Variants in PFDN2 observed in about 807,000 individuals in gnomAD.
The protein encoded by PFDN2 is prefoldin subunit 2.
Under a neutral mutation model 18.3 loss-of-function variants are expected in PFDN2, and 7 were observed. The observed-to-expected ratio is 0.38, with a 90% CI of 0.22 to 0.72. The LOEUF (loss-of-function observed/expected upper bound fraction) is 0.72, where lower values mean the gene tolerates loss of function less well. Among genes scored for constraint, PFDN2 ranks in the 30% least tolerant of loss-of-function variants. PFDN2 has a pLI of 0.47. For missense variants in PFDN2, 181 were observed against 199.1 expected, an observed-to-expected ratio of 0.91 and a Z score of 0.55; for synonymous variants, 76 against 75.0, an observed-to-expected ratio of 1.01 and a Z score of -0.07.
In PFDN2 at chr1:161,107,147, C is replaced by T. The variant is rs1269553783; in HGVS notation, c.76-4772G>A. ...TTTTTAAAAACTGCTTAACTAGGGC[C>T]GGGCATGATGGCTCACGCCTGTAAT... On this transcript the variant is annotated intron_variant, in intron 1 of 3. Transcript: ENST00000368010. 2.6e-5 allele frequency among the ~76,000 whole-genome samples: 4 copies of T among 152,170 alleles called. No individual in the cohort carries two copies. In the East Asian group the frequency reaches 5.8e-4, roughly 22 times the overall value.
chr1:161,106,450 C>T (rs999106826), intron 1 of PFDN2, among the ~76,000 whole-genome samples: 9 of 152,076 alleles, frequency 5.9e-5, no homozygotes, highest in African/African-American at 1.7e-4. Flanking sequence ...ATCCTCTATT[C>T]CCACATTTTT....
At chr1:161,109,111 C>A (rs1654746829) in intron 1 of PFDN2, among the ~76,000 whole-genome samples, 1 of 152,206 alleles carries the variant, frequency 6.6e-6, no homozygotes, top group African/African-American at 2.4e-5. Context: ...TTACCTCTCC[C>A]AATCAGTTGT....
chr1:161,112,957 G>A (rs1435182757), intron 1 of PFDN2, among the ~76,000 whole-genome samples: 3 of 150,036 alleles, frequency 2.0e-5, no homozygotes, highest in Admixed American at 2.0e-4. Flanking sequence ...AAAAGACAAA[G>A]GAGGGGGGAA....
At chr1:161,113,230 C>A (rs1243729487) in intron 1 of PFDN2, among the ~76,000 whole-genome samples, 1 of 152,186 alleles carries the variant, frequency 6.6e-6, no homozygotes, top group Non-Finnish European at 1.5e-5. Flanking sequence ...CTACTCTCCT[C>A]TTATCATATT....
intron 1 of PFDN2, among the ~76,000 whole-genome samples, chr1:161,108,167 A>C (rs1654725236): frequency 6.8e-6 from 1 of 147,262 alleles, no homozygotes; most frequent in South Asian, 2.2e-4. Flanking sequence ...AAAAAAAAAA[A>C]CAAGGCTGGG....
In PFDN2 at chr1:161,102,107, C is replaced by G. The variant is rs1424486385; in HGVS notation, c.229G>C (p.Val77Leu). The change falls in exon 3 of 4, where the codon GTG becomes CTG. Residue 77 changes from valine (V) to leucine (L), a missense_variant. Val to Leu is a conservative substitution (Grantham distance 32). Transcript: ENST00000368010. ...TRKCYRMVGG[V>L]LVERTVKEVL... Reference sequence around the variant, plus strand: ...TCTTTGACAGTTCGCTCCACCAGCACTCCTCCAACCATGCGGTAGCACTTA... The same window carrying G: ...TCTTTGACAGTTCGCTCCACCAGCAGTCCTCCAACCATGCGGTAGCACTTA... 2.5e-6 allele frequency: 4 copies of G among 1,614,220 alleles called. No individual in the cohort carries two copies. Among genetic ancestry groups the G allele is most frequent in the Non-Finnish European group, 2.5e-6 (3 of 1,180,032 alleles).
chr1:161,109,971 T>C (rs1654771724), intron 1 of PFDN2, among the ~76,000 whole-genome samples: 1 of 151,894 alleles, frequency 6.6e-6, no homozygotes, highest in African/African-American at 2.4e-5. Context: ...GGAGAATCGC[T>C]TGAACCTGGG....
In PFDN2 at chr1:161,112,043, G is replaced by A. The variant is rs1203174396; in HGVS notation, c.75+5909C>T. ...GGAAGGAGCTTTTTTGTGCCTGACA[G>A]AAATGGCTTAACGTCAGACCATGAC... On this transcript the variant is annotated intron_variant, in intron 1 of 3. Transcript: ENST00000368010. Among the ~76,000 whole-genome samples the A allele has an allele frequency of 3.3e-5, 5 of 152,184 alleles. No individual in the cohort carries two copies. In the South Asian group the frequency reaches 6.2e-4, roughly 19 times the overall value.
intron 1 of PFDN2, among the ~76,000 whole-genome samples, chr1:161,115,428 G>C (rs556071583): frequency 6.6e-6 from 1 of 152,134 alleles, no homozygotes; most frequent in African/African-American, 2.4e-5. Flanking sequence ...TAGCCATCCC[G>C]CTCAGGATGT....
intron 1 of PFDN2, among the ~76,000 whole-genome samples, chr1:161,106,095 G>C (rs990579492): frequency 6.6e-6 from 1 of 151,998 alleles, no homozygotes; most frequent in African/African-American, 2.4e-5. Flanking sequence ...GTGAGTTATT[G>C]GTCTGAGTTC....
intron 1 of PFDN2, among the ~76,000 whole-genome samples, chr1:161,104,472 C>G (rs1654640168): frequency 6.8e-6 from 1 of 147,534 alleles, no homozygotes; most frequent in Non-Finnish European, 1.5e-5. Context: ...TAAGAAAGGT[C>G]ACACACTGTC....
intron 1 of PFDN2, 132 bp downstream of exon 1, chr1:161,117,820 G>A: frequency 1.2e-6 from 1 of 820,506 alleles, no homozygotes; most frequent in Non-Finnish European, 1.9e-6. Flanking sequence ...AGCTTTTCCG[G>A]GGACCCTTCC....
At position 161,118,009 on chromosome 1, in the gene PFDN2, A is replaced by C. The variant is rs1292581732; in HGVS notation, c.18T>G (p.Gly6=). The C allele has an allele frequency of 2.5e-6, 4 of 1,611,956 alleles. No individual in the cohort carries two copies. The highest frequency in any genetic ancestry group is 4.5e-5 in the East Asian group (2 of 44,854). Residue 6 remains glycine (G), a synonymous_variant, in exon 1 of 4, where the codon GGT becomes GGG. Coordinates refer to ENST00000368010, the MANE Select transcript of PFDN2 (RefSeq NM_012394.4). ...CGCTCCCGCTGCTCTTGCCGGCGCGACCGCTGTTCTCCGCCATCTTCGCCG... is the reference window on the plus strand; with the variant it reads ...CGCTCCCGCTGCTCTTGCCGGCGCGCCCGCTGTTCTCCGCCATCTTCGCCG... MAENS[G]RAGKSSGSGA...
chr1:161,116,666 C>T (rs1654937784), intron 1 of PFDN2, among the ~76,000 whole-genome samples: 1 of 151,824 alleles, frequency 6.6e-6, no homozygotes, highest in African/African-American at 2.4e-5. Flanking sequence ...CTAGACTATG[C>T]TCTTCGAGAC....
At chr1:161,111,380 C>A (rs544699465) in intron 1 of PFDN2, among the ~76,000 whole-genome samples, 2 of 152,170 alleles carry the variant, frequency 1.3e-5, no homozygotes, top group Admixed American at 6.5e-5. Flanking sequence ...TATAATATAC[C>A]ACAGGGCAGG....
intron 1 of PFDN2, among the ~76,000 whole-genome samples, chr1:161,104,302 G>A (rs4078017): frequency 0.087 from 13,194 of 152,004 alleles, 613 homozygotes; most frequent in South Asian, 0.13. Flanking sequence ...GACAACAGTG[G>A]ACTCAATCCA....
intron 1 of PFDN2, among the ~76,000 whole-genome samples, chr1:161,117,571 T>C (rs1427338189): frequency 6.6e-6 from 1 of 152,196 alleles, no homozygotes; most frequent in East Asian, 1.9e-4. Context: ...CGTAACAGAC[T>C]ACACAGCCAG....
At chr1:161,111,164 C>T (rs1338788541) in intron 1 of PFDN2, among the ~76,000 whole-genome samples, 1 of 151,928 alleles carries the variant, frequency 6.6e-6, no homozygotes, top group Admixed American at 6.6e-5. Flanking sequence ...TACTATGTTG[C>T]CCAGGCTGGT....
intron 1 of PFDN2, among the ~76,000 whole-genome samples, chr1:161,106,984 T>C (rs562387054): frequency 4.7e-4 from 72 of 152,188 alleles, no homozygotes; most frequent in Admixed American, 1.2e-3. Flanking sequence ...AATTTCTGTA[T>C]TTTTTTGCAG....
Sources: gnomAD v4.1 joint callset for allele counts (sites outside exome capture counted in the v4.1 genomes callset) on GRCh38, gnomAD v4.1.1 for gene constraint, MANE v1.5 for transcripts, NCBI Gene and HGNC (gene_info 2026-07-23, HGNC 2026-07-21) for gene names.